The following ANKRD36 variants were observed in gnomAD, a reference collection of about 807,000 sequenced individuals.
ANKRD36 encodes the protein ankyrin repeat domain 36, also known as ankyrin repeat domain-containing protein 36A.
Under a neutral mutation model 278.1 loss-of-function variants are expected in ANKRD36, and 179 were observed. The ratio of observed to expected loss-of-function variants is 0.64; its 90% CI spans 0.57 to 0.73. ANKRD36 has a LOEUF of 0.73. Among genes scored for constraint, ANKRD36 ranks in the 30% least tolerant of loss-of-function variants. The probability of loss-of-function intolerance (pLI) is 0.00; values close to 1 mark genes in which losing one functional copy is unlikely to be tolerated. For synonymous variants in ANKRD36, 320 were observed against 641.1 expected (o/e 0.50, Z 7.57); for missense variants, 1,159 against 1,956.7 (o/e 0.59, Z 7.69).
At chr2:97,160,366 C>T (rs59602407) in intron 17 of ANKRD36, among the ~76,000 whole-genome samples, 3,543 of 152,132 alleles carry the variant, frequency 0.023, 111 homozygotes, top group African/African-American at 0.08. Context: ...TTACTTTTTA[C>T]TTTTAAAATT....
rs530808975 is a variant in ANKRD36, at chr2:97,204,190, G to T, written c.2989-1G>T. On this transcript the variant is annotated splice_acceptor_variant, in intron 49 of 75. Transcript: ENST00000420699. LOFTEE classifies it high-confidence loss of function. ...ATTATTTCATTTCAAATTCCATTCA[G>T]GCTACAAGTGATGAGAAAGATTCTG... The T allele has an allele frequency of 1.9e-6, 3 of 1,584,134 alleles. No homozygotes were observed. The highest frequency in any genetic ancestry group is 2.6e-6 in the Non-Finnish European group (3 of 1,167,446).
intron 67 of ANKRD36, among the ~76,000 whole-genome samples, chr2:97,229,359 T>A (rs1252364948): frequency 6.6e-6 from 1 of 152,044 alleles, no homozygotes; most frequent in African/African-American, 2.4e-5. Context: ...AGTTAGCTCT[T>A]CTTGTTGAAT....
intron 44 of ANKRD36, among the ~76,000 whole-genome samples, chr2:97,200,098 C>T (rs373730141): frequency 6.1e-4 from 93 of 151,954 alleles, no homozygotes; most frequent in Non-Finnish European, 1.1e-3. Context: ...TTTTAGTTTT[C>T]GACACATGAC....
At chr2:97,193,560 G>T (rs192033737) in intron 38 of ANKRD36, among the ~76,000 whole-genome samples, 1 of 146,488 alleles carries the variant, frequency 6.8e-6, no homozygotes, top group Non-Finnish European at 1.5e-5. Flanking sequence ...ATAATTTTGG[G>T]GTTTCTGCTG....
intron 40 of ANKRD36, among the ~76,000 whole-genome samples, chr2:97,195,507 C>T (rs1465906198): frequency 7.2e-5 from 11 of 151,992 alleles, no homozygotes; most frequent in African/African-American, 2.4e-4. Flanking sequence ...TTGGCAGCTC[C>T]AGCAACTGCT....
chr2:97,152,691 T>C (rs1208701978), intron 14 of ANKRD36, among the ~76,000 whole-genome samples, 157 bp downstream of exon 14: 1 of 146,382 alleles, frequency 6.8e-6, no homozygotes, highest in Admixed American at 6.8e-5. Flanking sequence ...TGTGCTGTTA[T>C]TGCTTTTTTA....
intron 6 of ANKRD36, among the ~76,000 whole-genome samples, chr2:97,139,910 C>T (rs970024206): frequency 2.6e-5 from 4 of 151,864 alleles, no homozygotes; most frequent in East Asian, 1.9e-4. Context: ...AATTTAGAAC[C>T]CCTTTGTTGA....
At chr2:97,159,373 A>G (rs958151190) in intron 17 of ANKRD36, among the ~76,000 whole-genome samples, 1 of 152,098 alleles carries the variant, frequency 6.6e-6, no homozygotes, top group Admixed American at 6.6e-5. Context: ...CCCTCATTAG[A>G]TTATATAGAT....
chr2:97,204,411 A>T lies in ANKRD36; in HGVS notation c.3061+148A>T, dbSNP rs561040224. ...TTCATTTCAAATAAGTTCTTGGGTG[A>T]TGCTGATGCTGCTGGTCTGGAACAT... is the stretch of plus-strand genomic sequence containing the variant. On this transcript the variant is annotated intron_variant, in intron 50 of 75. Coordinates refer to ENST00000420699, the MANE Select transcript of ANKRD36 (RefSeq NM_001354587.1). 48 of 1,062,212 alleles carry T rather than the reference A, an allele frequency of 4.5e-5. No individual in the cohort carries two copies. In the South Asian group the frequency reaches 8.0e-4, roughly 18 times the overall value. The allele number at this position is 1,062,212 out of a possible 1,614,324, so 65.8% of individuals were successfully genotyped here.
At chr2:97,161,382 C>T (rs575266486) in intron 17 of ANKRD36, among the ~76,000 whole-genome samples, 6 of 152,026 alleles carry the variant, frequency 3.9e-5, no homozygotes, top group South Asian at 4.2e-4. Flanking sequence ...TATTTTCTAC[C>T]TTTAAAATAC....
chr2:97,159,031 G>T (rs978211009), intron 17 of ANKRD36, among the ~76,000 whole-genome samples: 7 of 152,014 alleles, frequency 4.6e-5, no homozygotes, highest in Non-Finnish European at 1.0e-4. Context: ...GGGGAAAGAA[G>T]TAAGAATACA....
intron 17 of ANKRD36, among the ~76,000 whole-genome samples, chr2:97,161,666 C>A (rs1194710160): frequency 6.6e-6 from 1 of 152,194 alleles, no homozygotes; most frequent in Non-Finnish European, 1.5e-5. Flanking sequence ...TCCACTTTCT[C>A]TGTCTGTGCC....
rs1413526563 is a variant in ANKRD36, at chr2:97,200,207, G to C, written c.2756-127G>C. ...TCATGTTCTGATCCCCAGACACAAA[G>C]TAGAAGCCATCAAAGCCTCCACTAA... is the stretch of plus-strand genomic sequence containing the variant. On this transcript the variant is annotated intron_variant, in intron 44 of 75. Coordinates refer to ENST00000420699, the MANE Select transcript of ANKRD36 (RefSeq NM_001354587.1). The C allele has an allele frequency of 1.9e-6, 3 of 1,559,882 alleles. No homozygotes were observed. The African/African-American group carries it at 4.1e-5, about 21-fold the overall frequency.
chr2:97,202,117 G>C, intron 46 of ANKRD36, 85 bp from the exon 47 acceptor site: 1 of 1,590,388 alleles, frequency 6.3e-7, no homozygotes, highest in East Asian at 2.3e-5. Context: ...CAGGAGGACA[G>C]AGGTTGATTC....
chr2:97,203,439 G>C (rs1008527272), intron 48 of ANKRD36, among the ~76,000 whole-genome samples: 2 of 151,762 alleles, frequency 1.3e-5, no homozygotes, highest in Non-Finnish European at 2.9e-5. Flanking sequence ...CTTTTGGAAG[G>C]CTAAACTAGT....
In ANKRD36 at chr2:97,190,843, A is replaced by G. The variant is rs2058361167; in HGVS notation, c.2246-135A>G. ...ATTTCTGTCATGTTCCAGTCCCAAG[A>G]GACAAAGTAGAAGACATCAGAGCCT... On this transcript the variant is annotated intron_variant, in intron 34 of 75. Coordinates refer to ENST00000420699, the MANE Select transcript of ANKRD36 (RefSeq NM_001354587.1). 33 of 1,348,462 alleles carry G rather than the reference A, an allele frequency of 2.4e-5. No homozygotes were observed. The South Asian group carries it at 4.4e-4, about 18-fold the overall frequency. The allele number at this position is 1,348,462 out of a possible 1,614,324, so 83.5% of individuals were successfully genotyped here. A position where few individuals can be genotyped will look rare whatever the true frequency, so the allele number is the denominator to read the frequency against.
At chr2:97,206,191 C>A in intron 52 of ANKRD36, 56 bp downstream of exon 52, 14 of 1,461,732 alleles carry the variant, frequency 9.6e-6, no homozygotes, top group Non-Finnish European at 1.3e-5. Context: ...AAGAAGTTCT[C>A]TTCCCCAAGT....
intron 67 of ANKRD36, among the ~76,000 whole-genome samples, chr2:97,229,412 G>C (rs943726388): frequency 6.6e-6 from 1 of 152,026 alleles, no homozygotes; most frequent in African/African-American, 2.4e-5. Flanking sequence ...TGTCTCTTTC[G>C]ATCTTTGTTG....
chr2:97,210,520 ACTC>A (rs1455464379), intron 56 of ANKRD36, among the ~76,000 whole-genome samples: 1 of 151,798 alleles, frequency 6.6e-6, no homozygotes, highest in African/African-American at 2.4e-5. Context: ...CTGACTCATT[ACTC>A]CTCTTTGTTA....
Sources: gnomAD v4.1 joint callset for allele counts (sites outside exome capture counted in the v4.1 genomes callset) on GRCh38, gnomAD v4.1.1 for gene constraint, MANE v1.5 for transcripts, NCBI Gene and HGNC (gene_info 2026-07-23, HGNC 2026-07-21) for gene names.